EHMT1: variants seen among roughly 807,000 people sequenced by gnomAD.
EHMT1 encodes the protein histone-lysine N-methyltransferase EHMT1.
EHMT1 carries 15 observed loss-of-function variants against 147.2 expected under a neutral mutation model. The observed-to-expected ratio is 0.10, with a 90% CI of 0.07 to 0.16. The LOEUF is 0.16. EHMT1 is among the 10% of genes least tolerant of loss of function. EHMT1 has a pLI of 1.00. For synonymous variants in EHMT1, 795 were observed against 709.6 expected (o/e 1.12, Z -1.91); for missense variants, 1,587 against 1,772.4 (o/e 0.90, Z 1.88).
chr9:137,666,735 G>C (rs1360866048), intron 1 of EHMT1, among the ~76,000 whole-genome samples: 1 of 152,182 alleles, frequency 6.6e-6, no homozygotes, highest in Non-Finnish European at 1.5e-5. Context: ...CTGTCTGCGT[G>C]TTCATTGGGA....
In EHMT1 at chr9:137,814,414, G is replaced by A. The variant is rs368314660; in HGVS notation, c.3181-17G>A. 1.9e-5 allele frequency: 31 copies of A among 1,611,542 alleles called. No individual in the cohort carries two copies. In the African/African-American group the frequency reaches 2.8e-4, roughly 15 times the overall value. On this transcript the variant is annotated splice_polypyrimidine_tract_variant and intron_variant, in intron 21 of 26. Coordinates refer to ENST00000460843, the MANE Select transcript of EHMT1 (RefSeq NM_024757.5). ...CCTGTGCCTGCACGTCTGACCCCCC[G>A]GCGCCTCTCTTCTCAGTACTGCGTG...
At chr9:137,739,468 G>T (rs1206420915) in intron 4 of EHMT1, among the ~76,000 whole-genome samples, 2 of 152,326 alleles carry the variant, frequency 1.3e-5, no homozygotes, top group South Asian at 2.1e-4. Flanking sequence ...GAAGCTGCAG[G>T]TCCCTGCTTG....
intron 1 of EHMT1, among the ~76,000 whole-genome samples, chr9:137,698,208 G>T (rs956899408): frequency 6.6e-6 from 1 of 152,274 alleles, no homozygotes; most frequent in Non-Finnish European, 1.5e-5. Flanking sequence ...GACGCATTTT[G>T]TCTTATCCAG....
intron 3 of EHMT1, among the ~76,000 whole-genome samples, chr9:137,720,332 C>G (rs1214448036): frequency 1.3e-5 from 2 of 151,936 alleles, no homozygotes; most frequent in Non-Finnish European, 2.9e-5. Context: ...AAGACAGGAT[C>G]TCACTCTGTC....
At chr9:137,824,525 C>T (rs1955676804) in intron 25 of EHMT1, among the ~76,000 whole-genome samples, 1 of 152,146 alleles carries the variant, frequency 6.6e-6, no homozygotes, top group African/African-American at 2.4e-5. Context: ...ATTGAGAGCC[C>T]GGGCGTCAGT....
At position 137,775,076 on chromosome 9, in the gene EHMT1, C is replaced by G; in HGVS notation, c.1648-33C>G. On this transcript the variant is annotated intron_variant, in intron 10 of 26. Transcript: ENST00000460843. This position sits in a 1 kb window ranked among gnomAD's most constrained non-coding sequence, Gnocchi z 6.1. The stretch of plus-strand genomic sequence containing the variant: ...GAGGGAATGCCGGCCTCTCGTGACT[C>G]TGACATTGACCACCAGTCTTGTCTG... 6.2e-7 allele frequency: 1 copy of G among 1,613,934 alleles called. No individual in the cohort carries two copies. Among genetic ancestry groups the G allele is most frequent in the African/African-American group, 1.3e-5 (1 of 75,042 alleles).
intron 1 of EHMT1, among the ~76,000 whole-genome samples, chr9:137,647,597 T>G (rs891809232): frequency 6.7e-6 from 1 of 149,390 alleles, no homozygotes; most frequent in Non-Finnish European, 1.5e-5. Flanking sequence ...CTCTTGCCTT[T>G]TTTTTTTTTT....
intron 1 of EHMT1, among the ~76,000 whole-genome samples, chr9:137,633,761 A>G (rs897229969): frequency 6.6e-6 from 1 of 151,620 alleles, no homozygotes; most frequent in African/African-American, 2.4e-5. Context: ...CCGACCCCCG[A>G]CACTGCTCTA....
chr9:137,749,745 G>A (rs1050575428), intron 6 of EHMT1, among the ~76,000 whole-genome samples: 2 of 152,178 alleles, frequency 1.3e-5, no homozygotes, highest in African/African-American at 4.8e-5. Flanking sequence ...CTTAAAAGTC[G>A]CTTTGCCAGA....
intron 7 of EHMT1, among the ~76,000 whole-genome samples, chr9:137,753,219 G>T (rs1446373725): frequency 6.6e-6 from 1 of 152,152 alleles, no homozygotes; most frequent in Non-Finnish European, 1.5e-5. Context: ...AGGAGAAGTG[G>T]CTCACGGTGT....
intron 10 of EHMT1, among the ~76,000 whole-genome samples, chr9:137,769,161 G>A (rs537672434): frequency 1.3e-3 from 197 of 152,298 alleles, no homozygotes; most frequent in Non-Finnish European, 2.5e-3. Flanking sequence ...AACATACAGT[G>A]TAAGAATCTT....
intron 7 of EHMT1, 105 bp downstream of exon 7, chr9:137,752,513 C>A: frequency 7.4e-7 from 1 of 1,343,620 alleles, no homozygotes. Flanking sequence ...CCTGAGCGCT[C>A]ACCCATGTGC....
chr9:137,630,332 CAAG>C (rs772730688), intron 1 of EHMT1, among the ~76,000 whole-genome samples: 3 of 152,182 alleles, frequency 2.0e-5, no homozygotes, highest in Non-Finnish European at 2.9e-5. Flanking sequence ...TAAAAGTAAA[CAAG>C]AAGAGGCTGC....
intron 16 of EHMT1, among the ~76,000 whole-genome samples, chr9:137,792,850 G>T (rs1952628432): frequency 6.6e-6 from 1 of 152,222 alleles, no homozygotes; most frequent in African/African-American, 2.4e-5. Context: ...CATGATCAAA[G>T]AAATAGACAA....
chr9:137,741,704 C>G (rs1948097145), intron 4 of EHMT1, among the ~76,000 whole-genome samples: 1 of 152,184 alleles, frequency 6.6e-6, no homozygotes, highest in Non-Finnish European at 1.5e-5. Flanking sequence ...GCAGTCAGCC[C>G]TGCAGAACCT....
At chr9:137,756,092 A>G (rs933041929) in intron 8 of EHMT1, among the ~76,000 whole-genome samples, 4 of 152,212 alleles carry the variant, frequency 2.6e-5, no homozygotes, top group Admixed American at 2.0e-4. Context: ...TGGGGGGTTC[A>G]TGCTTTTGTG....
intron 25 of EHMT1, among the ~76,000 whole-genome samples, chr9:137,827,380 G>T (rs1025080759): frequency 6.6e-6 from 1 of 152,168 alleles, no homozygotes; most frequent in East Asian, 1.9e-4. Flanking sequence ...TCATTTTGGG[G>T]ATGTGGAGAG....
chr9:137,638,353 A>C (rs1589073939), intron 1 of EHMT1: 1 of 151,720 alleles, frequency 6.6e-6, no homozygotes, highest in East Asian at 1.9e-4. Context: ...CAGGTGATCC[A>C]CCCACCTCAG....
chr9:137,682,319 A>C (rs1340423534), intron 1 of EHMT1, among the ~76,000 whole-genome samples: 1 of 152,120 alleles, frequency 6.6e-6, no homozygotes, highest in African/African-American at 2.4e-5. Context: ...AAAAGTTAAA[A>C]ATGTCAGGTG....
Sources: gnomAD v4.1 joint callset for allele counts (sites outside exome capture counted in the v4.1 genomes callset) on GRCh38, gnomAD v4.1.1 for gene constraint, Gnocchi (gnomAD v3.1) non-coding constraint, MANE v1.5 for transcripts, NCBI Gene and HGNC (gene_info 2026-07-23, HGNC 2026-07-21) for gene names.